Variants in RALYL observed in about 807,000 individuals in gnomAD.
The protein encoded by RALYL is RNA-binding Raly-like protein.
RALYL carries 29 observed loss-of-function variants against 35.1 expected under a neutral mutation model. The ratio of observed to expected loss-of-function variants is 0.83; its 90% CI spans 0.61 to 1.13. The LOEUF (loss-of-function observed/expected upper bound fraction) is 1.13. RALYL is among the 50% of genes most tolerant of loss of function. RALYL has a pLI of 0.00. For synonymous variants in RALYL, 120 were observed against 127.6 expected, an observed-to-expected ratio of 0.94 and a Z score of 0.40; for missense variants, 359 against 360.4, an observed-to-expected ratio of 1.00 and a Z score of 0.03.
intron 2 of RALYL, among the ~76,000 whole-genome samples, chr8:84,556,019 GT>G (rs1411715041): frequency 1.3e-5 from 2 of 152,160 alleles, no homozygotes; most frequent in Admixed American, 1.3e-4. Flanking sequence ...TCTACAGCAT[GT>G]CTGTATGGTC....
chr8:84,215,064 C>T (rs1044921853), intron 1 of RALYL, among the ~76,000 whole-genome samples: 2 of 151,848 alleles, frequency 1.3e-5, no homozygotes, highest in East Asian at 3.9e-4. Context: ...CGCCACTGTG[C>T]CCGGCTAATT....
intron 2 of RALYL, among the ~76,000 whole-genome samples, chr8:84,680,461 C>T (rs1006612611): frequency 9.2e-5 from 14 of 152,104 alleles, no homozygotes; most frequent in African/African-American, 3.4e-4. Flanking sequence ...TTTACAGTCC[C>T]ACAACAGTTT....
intron 1 of RALYL, among the ~76,000 whole-genome samples, chr8:84,294,120 C>T (rs922466128): frequency 1.3e-5 from 2 of 151,968 alleles, no homozygotes; most frequent in African/African-American, 4.8e-5. Flanking sequence ...CCTTTATATT[C>T]TACTTTTTAA....
intron 2 of RALYL, among the ~76,000 whole-genome samples, chr8:84,530,110 A>T (rs187232222): frequency 5.9e-5 from 9 of 152,314 alleles, no homozygotes; most frequent in African/African-American, 2.2e-4. Flanking sequence ...ATGCATAATA[A>T]TCAGATTTCT....
In RALYL at chr8:84,357,857, T is replaced by C. The variant is rs996809900; in HGVS notation, c.-23-171442T>C. The stretch of plus-strand genomic sequence containing the variant: ...GTTAAAAGTAATTAATCTCAAAAAA[T>C]GGTTAACTGGCTTACCTGAGAAAAA... On this transcript the variant is annotated intron_variant, in intron 1 of 8. Transcript: ENST00000521268. Among the ~76,000 whole-genome samples, 38 of 149,984 alleles carry C rather than the reference T, an allele frequency of 2.5e-4. 1 individual carries two copies. Among genetic ancestry groups the C allele is most frequent in the Non-Finnish European group, 1.5e-5 (1 of 67,364 alleles).
chr8:84,282,430 C>A (rs1277456467), intron 1 of RALYL, among the ~76,000 whole-genome samples: 1 of 151,914 alleles, frequency 6.6e-6, no homozygotes, highest in Non-Finnish European at 1.5e-5. Context: ...AACAATATTT[C>A]TATTTTTATT....
chr8:84,218,515 T>C lies in RALYL; in HGVS notation c.-24+34091T>C, dbSNP rs979236565. Among the ~76,000 whole-genome samples, 7 of 152,150 alleles carry C rather than the reference T, an allele frequency of 4.6e-5. No homozygotes were observed. The East Asian group carries it at 7.7e-4, about 17-fold the overall frequency. Reference sequence around the variant, plus strand: ...GTCCTTAAAATTACATGAAATAGGGTAATTTTTTTCACACAGATTACTCTG... The same window carrying C: ...GTCCTTAAAATTACATGAAATAGGGCAATTTTTTTCACACAGATTACTCTG... On this transcript the variant is annotated intron_variant, in intron 1 of 8. Coordinates refer to ENST00000521268, the MANE Select transcript of RALYL (RefSeq NM_173848.7).
intron 3 of RALYL, among the ~76,000 whole-genome samples, chr8:84,780,687 T>C (rs1563588200): frequency 6.6e-6 from 1 of 152,196 alleles, no homozygotes; most frequent in Non-Finnish European, 1.5e-5. Context: ...TTTTTGTTCC[T>C]CAGCTTTTTG....
Position 84,438,946 on chromosome 8 carries a change from C to CTT in RALYL, c.-23-90344_-23-90343dup, listed in dbSNP as rs35901188. On this transcript the variant is annotated intron_variant, in intron 1 of 8. Transcript: ENST00000521268. The stretch of plus-strand genomic sequence containing the variant: ...TATTATGTTCCCTTGGTCTATGTAT[C>CTT]TTTTTTTTTTATCAGTACCAACGTA... Among the ~76,000 whole-genome samples the CTT allele has an allele frequency of 1.5e-3, 228 of 149,756 alleles. 1 individual carries two copies. The highest frequency in any genetic ancestry group is 2.2e-3 in the Non-Finnish European group (150 of 67,304).
chr8:84,804,869 G>A (rs1338695583), intron 4 of RALYL, 67 bp downstream of exon 4: 3 of 822,388 alleles, frequency 3.6e-6, no homozygotes, highest in Non-Finnish European at 4.9e-6. Context: ...CTTCTGAGAT[G>A]GTATTTTCAG....
intron 1 of RALYL, among the ~76,000 whole-genome samples, chr8:84,464,028 A>G (rs1032862757): frequency 1.3e-5 from 2 of 151,794 alleles, no homozygotes; most frequent in Non-Finnish European, 2.9e-5. Context: ...ATATTCTTCC[A>G]TGCTGTTGCA....
At chr8:84,628,772 A>G (rs1227847259) in intron 2 of RALYL, among the ~76,000 whole-genome samples, 2 of 152,106 alleles carry the variant, frequency 1.3e-5, no homozygotes, top group Non-Finnish European at 2.9e-5. Flanking sequence ...GAGCATCTAC[A>G]ATCTCAGATT....
At chr8:84,569,229 G>A (rs112387354) in intron 2 of RALYL, among the ~76,000 whole-genome samples, 2,978 of 151,984 alleles carry the variant, frequency 0.02, 114 homozygotes, top group African/African-American at 0.068. Context: ...TTTGTATAAG[G>A]TGTAAGGAAG....
chr8:84,339,019 C>T (rs961538224), intron 1 of RALYL, among the ~76,000 whole-genome samples: 3 of 151,934 alleles, frequency 2.0e-5, no homozygotes, highest in Non-Finnish European at 2.9e-5. Context: ...AAACCAAATA[C>T]GAACAAGTCA....
intron 1 of RALYL, among the ~76,000 whole-genome samples, chr8:84,277,429 C>T (rs947038517): frequency 6.6e-6 from 1 of 152,124 alleles, no homozygotes; most frequent in South Asian, 2.1e-4. Context: ...GGTGGGGACA[C>T]AGCCAAACCA....
chr8:84,797,202 G>A (rs1822136773), intron 3 of RALYL, among the ~76,000 whole-genome samples: 1 of 152,176 alleles, frequency 6.6e-6, no homozygotes, highest in Admixed American at 6.5e-5. Context: ...GAGCGAAAAA[G>A]CAGATCAAAT....
In RALYL at chr8:84,561,479, C is replaced by T. The variant is rs138553788; in HGVS notation, c.256+31902C>T. ...CCTAGTGAATGCCTGAAATCACAGA[C>T]AGTCCTGAGCCGTATGCATACTATG... On this transcript the variant is annotated intron_variant, in intron 2 of 8. Coordinates refer to ENST00000521268, the MANE Select transcript of RALYL (RefSeq NM_173848.7). Among the ~76,000 whole-genome samples, 25 of 151,942 alleles carry T rather than the reference C, an allele frequency of 1.6e-4. No individual in the cohort carries two copies. The East Asian group carries it at 4.7e-3, about 28-fold the overall frequency.
At chr8:84,623,460 C>A (rs546108541) in intron 2 of RALYL, among the ~76,000 whole-genome samples, 10 of 145,196 alleles carry the variant, frequency 6.9e-5, no homozygotes, top group African/African-American at 2.4e-4. Context: ...AAATATTTTA[C>A]CCCTTAGGTC....
At chr8:84,588,252 C>G (rs1188019633) in intron 2 of RALYL, among the ~76,000 whole-genome samples, 1 of 152,160 alleles carries the variant, frequency 6.6e-6, no homozygotes, top group Non-Finnish European at 1.5e-5. Context: ...ATTCCCCTGT[C>G]ACCTTTTTGC....
Sources: allele counts gnomAD v4.1 joint callset (sites outside exome capture counted in the v4.1 genomes callset), GRCh38; gene constraint gnomAD v4.1.1; transcripts MANE v1.5; gene names NCBI Gene and HGNC (gene_info 2026-07-23, HGNC 2026-07-21).